Variants in SCFD2 observed in about 807,000 individuals in gnomAD.
SCFD2 encodes the protein sec1 family domain-containing protein 2.
Under a neutral mutation model 58.9 loss-of-function variants are expected in SCFD2, and 54 were observed. The ratio of observed to expected loss-of-function variants is 0.92; its 90% CI spans 0.74 to 1.15. SCFD2 has a LOEUF of 1.15. Among genes scored for constraint, SCFD2 ranks in the 50% most tolerant of loss-of-function variants. The pLI, the probability that SCFD2 is intolerant of heterozygous loss-of-function variation, is 0.00. For synonymous variants in SCFD2, 321 were observed against 335.9 expected, an observed-to-expected ratio of 0.96 and a Z score of 0.49; for missense variants, 805 against 836.6, an observed-to-expected ratio of 0.96 and a Z score of 0.47.
chr4:53,096,018 C>T (rs185411790), intron 5 of SCFD2, among the ~76,000 whole-genome samples: 2 of 152,216 alleles, frequency 1.3e-5, no homozygotes, highest in African/African-American at 4.8e-5. Context: ...TGGTTTCCAG[C>T]TTCATCCATG....
At chr4:53,090,729 C>T (rs1171886458) in intron 5 of SCFD2, among the ~76,000 whole-genome samples, 1 of 152,148 alleles carries the variant, frequency 6.6e-6, no homozygotes, top group Non-Finnish European at 1.5e-5. Flanking sequence ...ACAAAACAGA[C>T]TAGATCCCTG....
chr4:52,898,912 C>T (rs1477383379), intron 7 of SCFD2, among the ~76,000 whole-genome samples: 1 of 151,374 alleles, frequency 6.6e-6, no homozygotes, highest in African/African-American at 2.4e-5. Context: ...ATGTAATGGC[C>T]TTGTCTCTTT....
intron 4 of SCFD2, among the ~76,000 whole-genome samples, chr4:53,219,532 G>A (rs1002966904): frequency 3.9e-5 from 6 of 152,100 alleles, no homozygotes; most frequent in South Asian, 2.1e-4. Flanking sequence ...GGTACCGTCC[G>A]TCACTGCTTT....
At chr4:52,909,823 C>T (rs896251702) in intron 6 of SCFD2, among the ~76,000 whole-genome samples, 1 of 151,928 alleles carries the variant, frequency 6.6e-6, no homozygotes, top group African/African-American at 2.4e-5. Flanking sequence ...GGTCTACTTC[C>T]AGAATCGTAA....
chr4:53,117,200 A>G (rs1439849597), intron 5 of SCFD2, among the ~76,000 whole-genome samples: 3 of 152,198 alleles, frequency 2.0e-5, no homozygotes, highest in Non-Finnish European at 4.4e-5. Flanking sequence ...TGAACACAGG[A>G]GTAGCACAAG....
chr4:53,111,527 T>G (rs1243006061), intron 5 of SCFD2, among the ~76,000 whole-genome samples: 1 of 152,108 alleles, frequency 6.6e-6, no homozygotes, highest in African/African-American at 2.4e-5. Flanking sequence ...GAACAAACCA[T>G]AGCCTAAATA....
intron 2 of SCFD2, among the ~76,000 whole-genome samples, chr4:53,344,052 C>G (rs1733975845): frequency 6.6e-6 from 1 of 152,022 alleles, no homozygotes; most frequent in Non-Finnish European, 1.5e-5. Context: ...ACAGGGATGC[C>G]CTCTCTCACC....
chr4:52,969,566 G>A (rs900155713), intron 5 of SCFD2, among the ~76,000 whole-genome samples: 1 of 152,202 alleles, frequency 6.6e-6, no homozygotes, highest in Non-Finnish European at 1.5e-5. Context: ...CTGGTGGAAA[G>A]GAAGCTGGGG....
intron 7 of SCFD2, among the ~76,000 whole-genome samples, chr4:52,890,922 T>G (rs1482044048): frequency 6.6e-6 from 1 of 152,166 alleles, no homozygotes; most frequent in Non-Finnish European, 1.5e-5. Flanking sequence ...TGATTCCTCC[T>G]CCACATGGTG....
chr4:53,040,910 TA>T, intron 5 of SCFD2, among the ~76,000 whole-genome samples: 1 of 152,298 alleles, frequency 6.6e-6, no homozygotes, highest in African/African-American at 2.4e-5. Context: ...ATGAATGAGA[TA>T]AAACCTCTGT....
At chr4:52,887,785 G>T (rs1304661745) in intron 7 of SCFD2, among the ~76,000 whole-genome samples, 1 of 152,166 alleles carries the variant, frequency 6.6e-6, no homozygotes, top group African/African-American at 2.4e-5. Context: ...GGAGTGCCTG[G>T]GGGAGGAGCA....
intron 4 of SCFD2, among the ~76,000 whole-genome samples, chr4:53,156,404 A>G (rs181155448): frequency 6.6e-6 from 1 of 150,552 alleles, no homozygotes; most frequent in Non-Finnish European, 1.5e-5. Context: ...AACTCAAAAA[A>G]AAAAAAAAAA....
At chr4:52,991,466 G>T (rs1458498524) in intron 5 of SCFD2, among the ~76,000 whole-genome samples, 2 of 152,148 alleles carry the variant, frequency 1.3e-5, no homozygotes, top group South Asian at 2.1e-4. Context: ...CTACCAACTG[G>T]GCTAGGGGGA....
At chr4:53,338,569 A>ATTTTTTTTTTTTTTT (rs1454636023) in intron 2 of SCFD2, among the ~76,000 whole-genome samples, 90 of 58,394 alleles carry the variant, frequency 1.5e-3, no homozygotes, top group Non-Finnish European at 2.6e-3. Context: ...AAAGCAGTAT[A>ATTTTTTTTTTTTTTT]TTTTTCTTTT....
intron 5 of SCFD2, among the ~76,000 whole-genome samples, chr4:52,973,346 G>A (rs964889470): frequency 3.3e-5 from 5 of 152,176 alleles, no homozygotes; most frequent in African/African-American, 7.2e-5. Context: ...TATCACTACC[G>A]ATCCCATAGA....
intron 4 of SCFD2, among the ~76,000 whole-genome samples, chr4:53,258,702 G>T (rs1228151399): frequency 6.6e-6 from 1 of 151,632 alleles, no homozygotes; most frequent in Non-Finnish European, 1.5e-5. Flanking sequence ...GTGCAAGTGT[G>T]TTTTTCCTAT....
intron 4 of SCFD2, among the ~76,000 whole-genome samples, chr4:53,185,451 T>G (rs1727708338): frequency 1.3e-5 from 2 of 152,210 alleles, no homozygotes; most frequent in Admixed American, 6.6e-5. Context: ...TCCATTATGC[T>G]ATATAGTGCT....
chr4:53,254,341 G>A (rs115649865), intron 4 of SCFD2, among the ~76,000 whole-genome samples: 2,361 of 152,176 alleles, frequency 0.016, 26 homozygotes, highest in Middle Eastern at 0.068. Flanking sequence ...GCCTGGCAGC[G>A]TTTCCCCTGC....
chr4:53,289,401 T>C (rs773597436), intron 3 of SCFD2, among the ~76,000 whole-genome samples: 2 of 151,856 alleles, frequency 1.3e-5, no homozygotes, highest in Non-Finnish European at 2.9e-5. Context: ...AAAAAAATGG[T>C]CTTATTATGA....
Sources: allele counts gnomAD v4.1 joint callset (sites outside exome capture counted in the v4.1 genomes callset), GRCh38; gene constraint gnomAD v4.1.1; transcripts MANE v1.5; gene names NCBI Gene and HGNC (gene_info 2026-07-23, HGNC 2026-07-21).